The following CALD1 variants were observed in gnomAD, a reference collection of about 807,000 sequenced individuals.
CALD1 encodes caldesmon 1.
CALD1 carries 33 observed loss-of-function variants against 99.9 expected under a neutral mutation model. The ratio of observed to expected loss-of-function variants is 0.33; its 90% CI spans 0.25 to 0.44. The LOEUF (loss-of-function observed/expected upper bound fraction) is 0.44. Among genes scored for constraint, CALD1 ranks in the 20% least tolerant of loss-of-function variants. The pLI is 1.00. For missense variants in CALD1, 861 were observed against 962.1 expected, an observed-to-expected ratio of 0.89 and a Z score of 1.39; for synonymous variants, 310 against 325.0, an observed-to-expected ratio of 0.95 and a Z score of 0.50.
chr7:134,884,568 C>G (rs917342642), intron 3 of CALD1, among the ~76,000 whole-genome samples: 2 of 151,804 alleles, frequency 1.3e-5, no homozygotes, highest in Non-Finnish European at 2.9e-5. Context: ...CATCAATCTT[C>G]CTGATACCTG....
upstream of CALD1, among the ~76,000 whole-genome samples, chr7:134,742,477 AATGTGCTCG>A (rs1796600422): frequency 1.3e-5 from 2 of 152,148 alleles, no homozygotes; most frequent in Non-Finnish European, 2.9e-5. Flanking sequence ...AATGTCTTGG[AATGTGCTCG>A]AAGTCCTGTG....
Position 134,933,988 on chromosome 7 carries a change from G to A in CALD1, c.1219G>A (p.Glu407Lys), listed in dbSNP as rs751456111. 7 of 1,613,824 alleles carry A rather than the reference G, an allele frequency of 4.3e-6. No individual in the cohort carries two copies. The highest frequency in any genetic ancestry group is 1.3e-5 in the African/African-American group (1 of 74,882). Residue 407 changes from glutamate (E) to lysine (K), a missense_variant, in exon 5 of 15, where the codon GAA becomes AAA. Transcript: ENST00000361675. ...HAMQETKIKGEKVEQKIEGKW... is the reference protein window; with the variant it reads ...HAMQETKIKGKKVEQKIEGKW... Reference sequence around the variant, plus strand: ...CATGCAAGAGACAAAGATAAAAGGGGAAAAGGTAGAACAGAAAATAGAAGG... The same window carrying A: ...CATGCAAGAGACAAAGATAAAAGGGAAAAAGGTAGAACAGAAAATAGAAGG...
intron 5 of CALD1, 129 bp from the exon 6 acceptor site, chr7:134,935,559 G>A: frequency 4.9e-6 from 7 of 1,434,028 alleles, no homozygotes; most frequent in South Asian, 1.4e-5. Flanking sequence ...TGTGCTGTGA[G>A]CGCTGAGACG....
At chr7:134,821,017 T>C (rs1253351734) in intron 1 of CALD1, among the ~76,000 whole-genome samples, 1 of 152,206 alleles carries the variant, frequency 6.6e-6, no homozygotes, top group East Asian at 1.9e-4. Flanking sequence ...GCAGTTGTTT[T>C]CTATTAAACT....
At chr7:134,911,037 G>T (rs886108291) in intron 3 of CALD1, among the ~76,000 whole-genome samples, 1 of 152,142 alleles carries the variant, frequency 6.6e-6, no homozygotes, top group African/African-American at 2.4e-5. Flanking sequence ...GGAATTGAAA[G>T]AAGTGCAAAG....
chr7:134,771,980 A>G (rs2131632434), intron 1 of CALD1, among the ~76,000 whole-genome samples: 1 of 152,152 alleles, frequency 6.6e-6, no homozygotes, highest in Admixed American at 6.5e-5. Flanking sequence ...ACTAATGTGT[A>G]TATCTGCCTC....
intron 3 of CALD1, among the ~76,000 whole-genome samples, chr7:134,908,079 C>T (rs1326128029): frequency 6.6e-6 from 1 of 152,018 alleles, no homozygotes; most frequent in African/African-American, 2.4e-5. Flanking sequence ...CATGCTGACA[C>T]AGTTTATCTA....
intron 3 of CALD1, among the ~76,000 whole-genome samples, chr7:134,882,570 G>A (rs1248939172): frequency 1.3e-5 from 2 of 152,158 alleles, no homozygotes; most frequent in Non-Finnish European, 2.9e-5. Flanking sequence ...AAACGTACAG[G>A]AGTCCAACAG....
chr7:134,809,868 TG>T (rs1020051573), intron 1 of CALD1, among the ~76,000 whole-genome samples: 78 of 152,268 alleles, frequency 5.1e-4, no homozygotes, highest in African/African-American at 1.9e-3. Flanking sequence ...ATATTTTCAT[TG>T]CTAGAAAAAA....
chr7:134,898,531 C>T (rs773640381), intron 3 of CALD1, among the ~76,000 whole-genome samples: 8 of 151,944 alleles, frequency 5.3e-5, no homozygotes, highest in Non-Finnish European at 1.2e-4. Flanking sequence ...GCCAAGTTAT[C>T]CTGGTCCCTC....
At chr7:134,735,737 A>T in the CALD1 span, among the ~76,000 whole-genome samples, 1 of 152,226 alleles carries the variant, frequency 6.6e-6, no homozygotes, top group African/African-American at 2.4e-5. Flanking sequence ...GGCAATTGAC[A>T]TTCAAGTTGA....
intron 3 of CALD1, among the ~76,000 whole-genome samples, chr7:134,890,982 G>T (rs572113091): frequency 6.6e-6 from 1 of 152,170 alleles, no homozygotes; most frequent in Non-Finnish European, 1.5e-5. Context: ...TTCTCAGTGG[G>T]AACTGTTTGC....
intron 3 of CALD1, among the ~76,000 whole-genome samples, chr7:134,926,311 G>A (rs140632654): frequency 9.5e-4 from 145 of 152,220 alleles, no homozygotes; most frequent in Middle Eastern, 3.4e-3. Flanking sequence ...TCAAAGGGCT[G>A]CAAATTAGTA....
the CALD1 span, among the ~76,000 whole-genome samples, chr7:134,732,407 T>C: frequency 6.8e-4 from 103 of 152,274 alleles, 1 homozygote; most frequent in South Asian, 4.1e-4. Context: ...TGGGGGCTTT[T>C]GGGGGCGATT....
chr7:134,935,592 C>T lies in CALD1; in HGVS notation c.1309-96C>T, dbSNP rs2132995940. 4 of 1,506,790 alleles carry T rather than the reference C, an allele frequency of 2.7e-6. No homozygotes were observed. In the South Asian group the frequency reaches 5.3e-5, roughly 20 times the overall value. The allele number at this position is 1,506,790 out of a possible 1,614,324, so 93.3% of individuals were successfully genotyped here. ...ACGGCAGAAGAGAAGCCATCCCACG[C>T]AGCACTTGCAAGGCGATCCGAGCAC... On this transcript the variant is annotated intron_variant, in intron 5 of 14. Coordinates refer to ENST00000361675, the MANE Select transcript of CALD1 (RefSeq NM_033138.4).
intron 1 of CALD1, among the ~76,000 whole-genome samples, chr7:134,745,209 G>A (rs1796624428): frequency 6.6e-6 from 1 of 152,152 alleles, no homozygotes; most frequent in Non-Finnish European, 1.5e-5. Flanking sequence ...CATTTAAAAA[G>A]TTAATCAAAT....
At chr7:134,733,259 G>A in the CALD1 span, among the ~76,000 whole-genome samples, 2 of 152,194 alleles carry the variant, frequency 1.3e-5, no homozygotes, top group East Asian at 1.9e-4. Context: ...CGGCAGAGGG[G>A]AGGAGCCCCA....
At chr7:134,953,231 C>G (rs758025330) in intron 9 of CALD1, among the ~76,000 whole-genome samples, 1 of 152,136 alleles carries the variant, frequency 6.6e-6, no homozygotes, top group African/African-American at 2.4e-5. Context: ...GTAATGCCAG[C>G]ACGTTGGGAG....
chr7:134,717,567 A>G, the CALD1 span, among the ~76,000 whole-genome samples: 4 of 152,242 alleles, frequency 2.6e-5, no homozygotes, highest in Admixed American at 6.5e-5. Context: ...GGTGTGATGC[A>G]GAGAAAGCAC....
Sources: allele counts gnomAD v4.1 joint callset (sites outside exome capture counted in the v4.1 genomes callset), GRCh38; gene constraint gnomAD v4.1.1; transcripts MANE v1.5; gene names NCBI Gene and HGNC (gene_info 2026-07-23, HGNC 2026-07-21).